Variants in ZNF695 observed in about 807,000 individuals in gnomAD.
The protein encoded by ZNF695 is zinc finger protein 695, also known as zinc finger protein SBZF3.
Under a neutral mutation model 11.2 loss-of-function variants are expected in ZNF695, and 11 were observed. The ratio of observed to expected loss-of-function variants is 0.98; its 90% confidence interval spans 0.62 to 1.62. The LOEUF is 1.62. ZNF695 is among the 40% of genes most tolerant of loss of function. ZNF695 has a pLI of 0.00. For missense variants in ZNF695, 559 were observed against 590.5 expected (o/e 0.95, Z 0.55); for synonymous variants, 190 against 201.4 (o/e 0.94, Z 0.48).
At chr1:246,979,446 G>C (rs1356979416) in intron 4 of ZNF695, among the ~76,000 whole-genome samples, 4 of 152,034 alleles carry the variant, frequency 2.6e-5, no homozygotes, top group Non-Finnish European at 4.4e-5. Flanking sequence ...CAGGGGACTG[G>C]GCTTTTGATT....
Position 246,987,070 on chromosome 1 carries a change from T to A in ZNF695, c.1445A>T (p.His482Leu), listed in dbSNP as rs1342597220. ...TTTCTCTCTGGTATGAATTGTCTTA[T>A]GTTTAGAAAGGTGTGAGCTCTGGCC... The part of the protein sequence containing the change: ...AFGQSSHLSK[H>L]KTIHTREKPY... Residue 482 changes from histidine to leucine, a missense_variant, in exon 4 of 4, where the codon CAT (histidine) becomes CTT (leucine). His to Leu is a moderately conservative substitution (Grantham distance 99). Transcript: ENST00000339986. The A allele has an allele frequency of 4.3e-6, 7 of 1,614,134 alleles. No individual in the cohort carries two copies. The highest frequency in any genetic ancestry group is 5.9e-6 in the Non-Finnish European group (7 of 1,180,004).
intron 3 of ZNF695, among the ~76,000 whole-genome samples, chr1:246,998,649 A>C (rs1029360314): frequency 6.6e-6 from 1 of 152,200 alleles, no homozygotes; most frequent in African/African-American, 2.4e-5. Flanking sequence ...CACATGTTCC[A>C]CATGCAATGC....
chr1:247,007,311 A>G (rs943818818), intron 1 of ZNF695, among the ~76,000 whole-genome samples: 3 of 151,900 alleles, frequency 2.0e-5, no homozygotes, highest in East Asian at 1.9e-4. Flanking sequence ...CGACACCAAC[A>G]TGGTGAAATC....
intron 5 of ZNF695, among the ~76,000 whole-genome samples, chr1:246,946,405 G>T (rs1443555793): frequency 6.6e-6 from 1 of 152,206 alleles, no homozygotes; most frequent in Non-Finnish European, 1.5e-5. Flanking sequence ...TATGCGGTCT[G>T]ATTTCTTACT....
chr1:246,999,196 A>T (rs1163306331), intron 3 of ZNF695, among the ~76,000 whole-genome samples, 152 bp downstream of exon 3: 1 of 152,158 alleles, frequency 6.6e-6, no homozygotes, highest in Admixed American at 6.5e-5. Flanking sequence ...CATGAGATAG[A>T]AGATGCCCCT....
intron 5 of ZNF695, among the ~76,000 whole-genome samples, chr1:246,954,321 A>T (rs1203895864): frequency 6.6e-6 from 1 of 152,238 alleles, no homozygotes; most frequent in Non-Finnish European, 1.5e-5. Flanking sequence ...TTGAAAGCCA[A>T]GGACAGGAAC....
chr1:246,987,045 T>C lies in ZNF695; in HGVS notation c.1470A>G (p.Lys490=). 1 of 1,613,878 alleles carries C rather than the reference T, an allele frequency of 6.2e-7. No homozygotes were observed. The highest frequency in any genetic ancestry group is 8.5e-7 in the Non-Finnish European group (1 of 1,179,930). Residue 490 remains lysine, a synonymous_variant, in exon 4 of 4, where the codon AAA becomes AAG. Coordinates refer to ENST00000339986, the MANE Select transcript of ZNF695 (RefSeq NM_020394.5). ...TGCCACATTCCTCACACTTGTATGG[T>C]TTCTCTCTGGTATGAATTGTCTTAT... ...SKHKTIHTRE[K]PYKCEECGKA...
chr1:246,950,589 T>G (rs1667846657), intron 5 of ZNF695, among the ~76,000 whole-genome samples: 1 of 140,308 alleles, frequency 7.1e-6, no homozygotes, highest in Non-Finnish European at 1.5e-5. Context: ...AGGCAGAGGT[T>G]GCAGTGAGTA....
At chr1:246,958,067 T>G (rs1212074972) in intron 5 of ZNF695, among the ~76,000 whole-genome samples, 2 of 147,362 alleles carry the variant, frequency 1.4e-5, no homozygotes, top group South Asian at 4.3e-4. Flanking sequence ...TTTGTTTTTG[T>G]TTTTTTTTTG....
chr1:246,959,114 T>C (rs1244998548), intron 5 of ZNF695, among the ~76,000 whole-genome samples: 1 of 150,400 alleles, frequency 6.6e-6, no homozygotes, highest in African/African-American at 2.4e-5. Flanking sequence ...AGCAAGACCC[T>C]GTCTCTACAA....
chr1:246,981,550 G>A (rs766588942), downstream of ZNF695, among the ~76,000 whole-genome samples: 10 of 152,070 alleles, frequency 6.6e-5, no homozygotes, highest in African/African-American at 1.7e-4. Context: ...TAAAGTTTTC[G>A]TGATGTTTTT....
chr1:246,993,918 A>T (rs1476096563), intron 3 of ZNF695, among the ~76,000 whole-genome samples: 1 of 152,232 alleles, frequency 6.6e-6, no homozygotes, highest in African/African-American at 2.4e-5. Flanking sequence ...TCACGCCTGT[A>T]ATCCCAGCAC....
chr1:246,999,945 C>G lies in ZNF695; in HGVS notation c.133G>C (p.Glu45Gln). Residue 45 changes from glutamate to glutamine, a missense_variant, in exon 2 of 4, where the codon GAG becomes CAG. By Grantham distance (29) the Glu-to-Gln change is conservative. Transcript: ENST00000339986. Reference sequence around the variant, plus strand: ...AGGAATTGCATATTGAAGCTATCCTCACCAAGGGAGATCAGGTTTCTGTAG... The same window carrying G: ...AGGAATTGCATATTGAAGCTATCCTGACCAAGGGAGATCAGGTTTCTGTAG... ...ENYRNLISLG[E>Q]DSFNMQFLFH... is the part of the protein sequence containing the mutation. 1 of 1,614,182 alleles carries G rather than the reference C, an allele frequency of 6.2e-7. No individual in the cohort carries two copies.
At chr1:246,965,969 T>C (rs2103008777) in intron 5 of ZNF695, among the ~76,000 whole-genome samples, 1 of 151,546 alleles carries the variant, frequency 6.6e-6, no homozygotes, top group South Asian at 2.1e-4. Context: ...TATATCTTTT[T>C]ATAAATCACA....
intron 5 of ZNF695, among the ~76,000 whole-genome samples, chr1:246,951,163 T>C (rs1458944482): frequency 4.6e-5 from 7 of 151,888 alleles, no homozygotes; most frequent in African/African-American, 1.7e-4. Flanking sequence ...ATTATAAAAA[T>C]CACCCTAGCC....
downstream of ZNF695, among the ~76,000 whole-genome samples, chr1:246,980,853 G>T (rs1299664971): frequency 1.3e-5 from 2 of 152,094 alleles, no homozygotes; most frequent in Admixed American, 6.6e-5. Flanking sequence ...ATTAGTCTGG[G>T]CAATAATTTT....
At chr1:246,950,590 G>T (rs1362061962) in intron 5 of ZNF695, among the ~76,000 whole-genome samples, 1 of 139,284 alleles carries the variant, frequency 7.2e-6, no homozygotes, top group African/African-American at 2.7e-5. Context: ...GGCAGAGGTT[G>T]CAGTGAGTAG....
chr1:246,951,506 C>T (rs1011187042), intron 5 of ZNF695, among the ~76,000 whole-genome samples: 1 of 152,150 alleles, frequency 6.6e-6, no homozygotes, highest in Non-Finnish European at 1.5e-5. Flanking sequence ...CCTGCTGACA[C>T]CTTGATTTCA....
chr1:246,997,404 G>A (rs1479406255), intron 3 of ZNF695, among the ~76,000 whole-genome samples: 2 of 152,032 alleles, frequency 1.3e-5, no homozygotes, highest in Non-Finnish European at 2.9e-5. Flanking sequence ...TGGGGAGGCT[G>A]AGGCAGGATA....
Sources: allele counts gnomAD v4.1 joint callset (sites outside exome capture counted in the v4.1 genomes callset), GRCh38; gene constraint gnomAD v4.1.1; transcripts MANE v1.5; gene names NCBI Gene and HGNC (gene_info 2026-07-23, HGNC 2026-07-21).